DAPK1: variants seen among roughly 807,000 people sequenced by gnomAD.
DAPK1 encodes death associated protein kinase 1, also known as death-associated protein kinase 1.
In DAPK1, 56 loss-of-function variants were observed where a neutral mutation model predicts 144.9. The observed-to-expected ratio is 0.39, with a 90% confidence interval of 0.31 to 0.48. The LOEUF is 0.48. Ranked by LOEUF, DAPK1 falls within the 20% of genes least tolerant of loss-of-function variation. The probability of loss-of-function intolerance (pLI) is 0.95; values close to 1 mark genes in which losing one functional copy is unlikely to be tolerated. For synonymous variants in DAPK1, 690 were observed against 749.0 expected (o/e 0.92, Z 1.29); for missense variants, 1,454 against 1,875.4 (o/e 0.78, Z 4.15).
intron 18 of DAPK1, chr9:87,667,712 TAAAA>T (rs11408038): frequency 2.0e-5 from 3 of 151,410 alleles, no homozygotes; most frequent in African/African-American, 7.3e-5. Flanking sequence ...ACTTTTTTAT[TAAAA>T]AAAAACATTC....
intron 2 of DAPK1, among the ~76,000 whole-genome samples, chr9:87,592,396 TGATCACTTCATATCCCATAGAA>T (rs1828169887): frequency 6.6e-6 from 1 of 152,222 alleles, no homozygotes; most frequent in Admixed American, 6.5e-5. Flanking sequence ...CCCCCAGTGA[TGATCACTTCATATCCCATAGAA>T]GTCATATTCC....
chr9:87,542,447 T>G lies in DAPK1; in HGVS notation c.62+43308T>G, dbSNP rs559759845. On this transcript the variant is annotated intron_variant, in intron 2 of 25. Transcript: ENST00000408954. ...TGTGAGCCAGGCATCCCTGACCCTG[T>G]GGTCAGCATTTCAGTGTGACACTGT... is the stretch of plus-strand genomic sequence containing the variant. Among the ~76,000 whole-genome samples, 28 of 152,332 alleles carry G rather than the reference T, an allele frequency of 1.8e-4. No individual in the cohort carries two copies. In the East Asian group the frequency reaches 4.6e-3, roughly 25 times the overall value.
At chr9:87,587,385 G>T (rs990671821) in intron 2 of DAPK1, among the ~76,000 whole-genome samples, 5 of 152,160 alleles carry the variant, frequency 3.3e-5, no homozygotes, top group African/African-American at 1.2e-4. Flanking sequence ...ATAAGTACTG[G>T]TCTTGCATGA....
intron 2 of DAPK1, among the ~76,000 whole-genome samples, chr9:87,506,502 C>T (rs1299167676): frequency 6.6e-6 from 1 of 152,214 alleles, no homozygotes; most frequent in African/African-American, 2.4e-5. Flanking sequence ...TCCAAAAACA[C>T]TTTCATTGTT....
rs1369988920 is a variant in DAPK1, at chr9:87,518,479, CCAT to C, written c.62+19342_62+19344del. 2.6e-5 allele frequency among the ~76,000 whole-genome samples: 4 copies of C among 151,748 alleles called. No homozygotes were observed. In the East Asian group the frequency reaches 7.8e-4, roughly 30 times the overall value. On this transcript the variant is annotated intron_variant, in intron 2 of 25. Coordinates refer to ENST00000408954, the MANE Select transcript of DAPK1 (RefSeq NM_004938.4). Reference sequence around the variant, plus strand: ...TAAGGAAACTGATGTTAACCCTTTGCCATCGTCAATCTCATTGATGTCGGCCAG... The same window carrying C: ...TAAGGAAACTGATGTTAACCCTTTGCCGTCAATCTCATTGATGTCGGCCAG...
chr9:87,505,515 C>G (rs1269666292), intron 2 of DAPK1, among the ~76,000 whole-genome samples: 2 of 152,022 alleles, frequency 1.3e-5, no homozygotes, highest in Non-Finnish European at 2.9e-5. Context: ...CCTGCCTCAG[C>G]CTCCCAAGTA....
At chr9:87,702,211 A>T (rs1243427742) in intron 24 of DAPK1, among the ~76,000 whole-genome samples, 1 of 152,210 alleles carries the variant, frequency 6.6e-6, no homozygotes, top group Non-Finnish European at 1.5e-5. Flanking sequence ...ACACAAAAGA[A>T]TTTGAGAGGG....
chr9:87,499,260 C>T, intron 2 of DAPK1, 121 bp downstream of exon 2: 1 of 886,342 alleles, frequency 1.1e-6, no homozygotes, highest in Non-Finnish European at 1.8e-6. Flanking sequence ...TGGAGATGCG[C>T]AAATCATAGA....
intron 2 of DAPK1, among the ~76,000 whole-genome samples, chr9:87,564,645 A>G (rs1383671080): frequency 6.6e-6 from 1 of 151,632 alleles, no homozygotes; most frequent in Non-Finnish European, 1.5e-5. Context: ...GGAGGAAGGG[A>G]GAGAGAGAGA....
At chr9:87,524,296 A>G (rs563506308) in intron 2 of DAPK1, among the ~76,000 whole-genome samples, 150 of 152,314 alleles carry the variant, frequency 9.8e-4, no homozygotes, top group Non-Finnish European at 1.4e-3. Context: ...CTCCTCCCAC[A>G]GCTGGACCTG....
At chr9:87,648,687 G>A in intron 14 of DAPK1, 94 bp from the exon 15 acceptor site, 1 of 1,143,258 alleles carries the variant, frequency 8.7e-7, no homozygotes, top group Non-Finnish European at 1.3e-6. Flanking sequence ...GGACAGAGTG[G>A]AACCAGGCAG....
At chr9:87,617,969 C>G (rs895306827) in intron 3 of DAPK1, among the ~76,000 whole-genome samples, 10 of 152,214 alleles carry the variant, frequency 6.6e-5, no homozygotes, top group Non-Finnish European at 2.9e-5. Flanking sequence ...ATCTAGTCTT[C>G]CGTGATGTCC....
Position 87,639,713 on chromosome 9 carries a change from C to A in DAPK1, c.602+15C>A. On this transcript the variant is annotated intron_variant, in intron 6 of 25. Transcript: ENST00000408954. ...GCAGATATGTGGTAAGGAGTATGTCCTTGGTGTTGTTTGCTTTCTGATTTA... is the reference window on the plus strand; with the variant it reads ...GCAGATATGTGGTAAGGAGTATGTCATTGGTGTTGTTTGCTTTCTGATTTA... The A allele has an allele frequency of 6.2e-7, 1 of 1,613,804 alleles. No homozygotes were observed. Among genetic ancestry groups the A allele is most frequent in the South Asian group, 1.1e-5 (1 of 91,060 alleles).
chr9:87,619,090 T>C (rs1829199237), intron 3 of DAPK1, among the ~76,000 whole-genome samples: 1 of 152,080 alleles, frequency 6.6e-6, no homozygotes, highest in Admixed American at 6.6e-5. Flanking sequence ...AGAGAATGTC[T>C]TGCCATTGCC....
intron 17 of DAPK1, among the ~76,000 whole-genome samples, chr9:87,652,409 G>A (rs11141925): frequency 1.8e-4 from 7 of 38,924 alleles, no homozygotes; most frequent in East Asian, 1.3e-3. Flanking sequence ...ACCTGATCCC[G>A]GGTCCTGATT....
At chr9:87,607,774 C>T (rs920567000) in intron 3 of DAPK1, among the ~76,000 whole-genome samples, 2 of 152,142 alleles carry the variant, frequency 1.3e-5, no homozygotes, top group African/African-American at 4.8e-5. Flanking sequence ...CCCCTTCATG[C>T]CTGCCCTCTA....
At chr9:87,646,149 C>A (rs1194024190) in intron 12 of DAPK1, 135 bp downstream of exon 12, 3 of 1,104,094 alleles carry the variant, frequency 2.7e-6, no homozygotes, top group Non-Finnish European at 3.8e-6. Context: ...AAAATCACTT[C>A]TGTTTAGAAA....
At chr9:87,574,368 C>T (rs1232595609) in intron 2 of DAPK1, among the ~76,000 whole-genome samples, 2 of 152,200 alleles carry the variant, frequency 1.3e-5, no homozygotes, top group Admixed American at 1.3e-4. Flanking sequence ...GTCTCCACCT[C>T]ATTGGGGTCT....
chr9:87,597,443 A>G (rs1259393594), intron 2 of DAPK1, among the ~76,000 whole-genome samples: 1 of 152,168 alleles, frequency 6.6e-6, no homozygotes, highest in Non-Finnish European at 1.5e-5. Context: ...TTTAGATTTC[A>G]AAGTTGTTGC....
Sources: allele counts gnomAD v4.1 joint callset (sites outside exome capture counted in the v4.1 genomes callset), GRCh38; gene constraint gnomAD v4.1.1; transcripts MANE v1.5; gene names NCBI Gene and HGNC (gene_info 2026-07-23, HGNC 2026-07-21).